Variants in SIRPA observed in about 807,000 individuals in gnomAD.
SIRPA encodes signal regulatory protein alpha.
In SIRPA, 9 loss-of-function variants were observed where a neutral mutation model predicts 50.3. The ratio of observed to expected loss-of-function variants is 0.18; its 90% confidence interval spans 0.11 to 0.31. The LOEUF is 0.31. SIRPA is among the 10% of genes least tolerant of loss of function. The pLI is 1.00. For synonymous variants in SIRPA, 265 were observed against 284.1 expected (o/e 0.93, Z 0.68); for missense variants, 474 against 661.6 (o/e 0.72, Z 3.11).
At chr20:1,914,593 A>G (rs924946268) in intron 1 of SIRPA, among the ~76,000 whole-genome samples, 8 of 151,462 alleles carry the variant, frequency 5.3e-5, no homozygotes. Flanking sequence ...TGGCCCAAGG[A>G]CACAGCTATA....
intron 2 of SIRPA, among the ~76,000 whole-genome samples, chr20:1,915,902 T>G (rs1395955637): frequency 6.6e-6 from 1 of 152,232 alleles, no homozygotes; most frequent in Non-Finnish European, 1.5e-5. Context: ...TTCTCATCCC[T>G]TCCAATAAGA....
At position 1,924,974 on chromosome 20, in the gene SIRPA, T is replaced by C; in HGVS notation, c.1201+97T>C. 1.1e-6 allele frequency: 1 copy of C among 935,568 alleles called. No individual in the cohort carries two copies. Among genetic ancestry groups the C allele is most frequent in the East Asian group, 2.6e-5 (1 of 38,434 alleles). 58.0% of individuals were successfully genotyped at this position (935,568 alleles called of 1,614,324 possible). A position where few individuals can be genotyped will look rare whatever the true frequency, so the allele number is the denominator to read the frequency against. On this transcript the variant is annotated intron_variant, in intron 5 of 7. Coordinates refer to ENST00000358771, the MANE Select transcript of SIRPA (RefSeq NM_001040023.2). This position sits in a 1 kb window ranked among gnomAD's most constrained non-coding sequence, Gnocchi z 4.5. ...GCTTTGGGTTAAGGACATCAGCTTC[T>C]GCCAGTAGCAAGAAGTCCAGAGGTA...
intron 1 of SIRPA, among the ~76,000 whole-genome samples, chr20:1,905,842 A>C (rs1045662772): frequency 6.6e-6 from 1 of 152,194 alleles, no homozygotes; most frequent in African/African-American, 2.4e-5. Flanking sequence ...GTTTCATCTG[A>C]ACCCAGCAAA....
In SIRPA at chr20:1,924,347, G is replaced by C. The variant is rs1167482025; in HGVS notation, c.1088-417G>C. Among the ~76,000 whole-genome samples the C allele has an allele frequency of 6.6e-6, 1 of 152,178 alleles. No individual in the cohort carries two copies. Among genetic ancestry groups the C allele is most frequent in the African/African-American group, 2.4e-5 (1 of 41,438 alleles). ...GGGCACAGACCGGTCGTCAGCCCCTGAGCTGTGCAGAGCCTGCTGGCCGCA... is the reference window on the plus strand; with the variant it reads ...GGGCACAGACCGGTCGTCAGCCCCTCAGCTGTGCAGAGCCTGCTGGCCGCA... On this transcript the variant is annotated intron_variant, in intron 4 of 7. Coordinates refer to ENST00000358771, the MANE Select transcript of SIRPA (RefSeq NM_001040023.2). The surrounding 1 kb of genome is among the most constrained non-coding windows in gnomAD (Gnocchi z 4.5).
Position 1,931,951 on chromosome 20 carries a change from G to A in SIRPA, c.1227-2764G>A, listed in dbSNP as rs565203180. 2.0e-5 allele frequency among the ~76,000 whole-genome samples: 3 copies of A among 152,184 alleles called. No individual in the cohort carries two copies. The South Asian group carries it at 6.2e-4, about 32-fold the overall frequency. On this transcript the variant is annotated intron_variant, in intron 6 of 7. Transcript: ENST00000358771. Reference sequence around the variant, plus strand: ...TCCCTGAGTCTTTCATTTATTCGTCGGGACTGAGCCTAACTCAGTGCCAAG... The same window carrying A: ...TCCCTGAGTCTTTCATTTATTCGTCAGGACTGAGCCTAACTCAGTGCCAAG...
In SIRPA at chr20:1,922,452, G is replaced by A. The variant is rs752484046; in HGVS notation, c.894G>A (p.Thr298=). 2.0e-5 allele frequency: 32 copies of A among 1,614,110 alleles called. No individual in the cohort carries two copies. The highest frequency in any genetic ancestry group is 2.2e-5 in the East Asian group (1 of 44,890). ...ATGGAAACGTGTCCCGGACAGAAAC[G>A]GCCTCAACCGTTACAGAGAACAAGG... ...LENGNVSRTE[T]ASTVTENKDG... The change falls in exon 4 of 8, where the codon ACG becomes ACA. Residue 298 remains threonine, a synonymous_variant. Transcript: ENST00000358771.
chr20:1,899,284 G>A (rs1984021889), intron 1 of SIRPA, among the ~76,000 whole-genome samples: 2 of 151,694 alleles, frequency 1.3e-5, no homozygotes, highest in Non-Finnish European at 2.9e-5. Flanking sequence ...CCAGCCACAT[G>A]TTTTCCAACA....
intron 1 of SIRPA, among the ~76,000 whole-genome samples, chr20:1,913,788 G>A (rs62192718): frequency 0.047 from 7,181 of 152,178 alleles, 250 homozygotes; most frequent in Middle Eastern, 0.092. Context: ...CCCTGGCTCT[G>A]CCTTGCTCTG....
chr20:1,899,660 T>C (rs1163049409), intron 1 of SIRPA, among the ~76,000 whole-genome samples: 1 of 152,176 alleles, frequency 6.6e-6, no homozygotes, highest in African/African-American at 2.4e-5. Context: ...TTCAATTTAA[T>C]GTGCCTCCTG....
At chr20:1,926,972 G>C (rs966391090) in intron 5 of SIRPA, among the ~76,000 whole-genome samples, 5 of 152,216 alleles carry the variant, frequency 3.3e-5, no homozygotes, top group Non-Finnish European at 2.9e-5. Flanking sequence ...GGGGGTGACT[G>C]GTGTCCTATC....
chr20:1,933,096 A>G lies in SIRPA; in HGVS notation c.1227-1619A>G, dbSNP rs1398989439. Among the ~76,000 whole-genome samples, 1 of 152,232 alleles carries G rather than the reference A, an allele frequency of 6.6e-6. No individual in the cohort carries two copies. Among genetic ancestry groups the G allele is most frequent in the Non-Finnish European group, 1.5e-5 (1 of 68,028 alleles). On this transcript the variant is annotated intron_variant, in intron 6 of 7. Transcript: ENST00000358771. The surrounding 1 kb of genome is among the most constrained non-coding windows in gnomAD (Gnocchi z 4.4). The stretch of plus-strand genomic sequence containing the variant: ...AGATTAAGAGGCAGCAGCATGGAGC[A>G]TGCAAAGGCCCTGGGGCAGCCTGAC...
chr20:1,921,319 C>T (rs1020573961), intron 2 of SIRPA, 76 bp from the exon 3 acceptor site: 2 of 1,607,878 alleles, frequency 1.2e-6, no homozygotes, highest in Non-Finnish European at 1.7e-6. Flanking sequence ...TCAGAAGGTT[C>T]TTAACGTGTC....
chr20:1,897,956 GCCTGGGGACA>G (rs774767251), intron 1 of SIRPA, among the ~76,000 whole-genome samples: 1 of 152,238 alleles, frequency 6.6e-6, no homozygotes, highest in Non-Finnish European at 1.5e-5. Flanking sequence ...AGGGACTGAG[GCCTGGGGACA>G]CCTGGCACCT....
chr20:1,937,181 G>A lies in SIRPA; in HGVS notation c.1267-139G>A, dbSNP rs939756860. 38 of 1,017,408 alleles carry A rather than the reference G, an allele frequency of 3.7e-5. No homozygotes were observed. Among genetic ancestry groups the A allele is most frequent in the Non-Finnish European group, 4.7e-5 (33 of 697,240 alleles). 63.0% of individuals were successfully genotyped at this position (1,017,408 alleles called of 1,614,324 possible). On this transcript the variant is annotated intron_variant, in intron 7 of 7. Transcript: ENST00000358771. The surrounding 1 kb of genome is among the most constrained non-coding windows in gnomAD (Gnocchi z 8.3). ...GCAAGTAACGTTGGCAAGAGATGAGGGGAACATGACTTATGGCTGAGCCAG... is the reference window on the plus strand; with the variant it reads ...GCAAGTAACGTTGGCAAGAGATGAGAGGAACATGACTTATGGCTGAGCCAG...
rs574781211 is a variant in SIRPA, at chr20:1,912,577, C to A, written c.80-2522C>A. Among the ~76,000 whole-genome samples, 4 of 152,314 alleles carry A rather than the reference C, an allele frequency of 2.6e-5. No homozygotes were observed. In the East Asian group the frequency reaches 7.7e-4, roughly 29 times the overall value. On this transcript the variant is annotated intron_variant, in intron 1 of 7. Coordinates refer to ENST00000358771, the MANE Select transcript of SIRPA (RefSeq NM_001040023.2). ...ATCCTACTATTGGGAATGTGACAAT[C>A]CAGAGAAAATCAAATATGTGAATAA...
intron 1 of SIRPA, 23 bp downstream of exon 1, chr20:1,895,549 C>G: frequency 1.4e-6 from 2 of 1,411,850 alleles, no homozygotes; most frequent in Non-Finnish European, 9.2e-7. Flanking sequence ...CCGCTCCCCA[C>G]CGCTGCACTC....
At position 1,924,945 on chromosome 20, in the gene SIRPA, A is replaced by G. The variant is rs942353194; in HGVS notation, c.1201+68A>G. ...ACTGTCCTCGGAGGGAGACGCCATT[A>G]GGTGCTTTGGGTTAAGGACATCAGC... is the stretch of plus-strand genomic sequence containing the variant. On this transcript the variant is annotated intron_variant, in intron 5 of 7. Coordinates refer to ENST00000358771, the MANE Select transcript of SIRPA (RefSeq NM_001040023.2). The surrounding 1 kb of genome is among the most constrained non-coding windows in gnomAD (Gnocchi z 4.5). The G allele has an allele frequency of 1.7e-5, 22 of 1,288,844 alleles. No individual in the cohort carries two copies. In the Admixed American group the frequency reaches 3.8e-4, roughly 22 times the overall value. The allele number at this position is 1,288,844 out of a possible 1,614,324, so 79.8% of individuals were successfully genotyped here. A position where few individuals can be genotyped will look rare whatever the true frequency, so the allele number is the denominator to read the frequency against.
chr20:1,896,001 T>G (rs1462570834), intron 1 of SIRPA, among the ~76,000 whole-genome samples: 1 of 152,176 alleles, frequency 6.6e-6, no homozygotes, highest in East Asian at 1.9e-4. Context: ...GACAAGCTGT[T>G]GCAATTAGGG....
chr20:1,933,287 G>A lies in SIRPA; in HGVS notation c.1227-1428G>A, dbSNP rs1021221177. On this transcript the variant is annotated intron_variant, in intron 6 of 7. Transcript: ENST00000358771. This position sits in a 1 kb window ranked among gnomAD's most constrained non-coding sequence, Gnocchi z 4.4. ...AGCACTGTCAGCAGAGCCATCACAA[G>A]GTGACACCATAGTTGAGTCTTGAAG... 7.2e-5 allele frequency among the ~76,000 whole-genome samples: 11 copies of A among 152,326 alleles called. 1 individual carries two copies. Among genetic ancestry groups the A allele is most frequent in the African/African-American group, 2.4e-4 (10 of 41,574 alleles).
Sources: gnomAD v4.1 joint callset for allele counts (sites outside exome capture counted in the v4.1 genomes callset) on GRCh38, gnomAD v4.1.1 for gene constraint, Gnocchi (gnomAD v3.1) non-coding constraint, MANE v1.5 for transcripts, NCBI Gene and HGNC (gene_info 2026-07-23, HGNC 2026-07-21) for gene names.